The following ARHGAP12 variants were observed in gnomAD, a reference collection of about 807,000 sequenced individuals.
ARHGAP12 encodes the protein rho GTPase-activating protein 12.
ARHGAP12 carries 64 observed loss-of-function variants against 108.6 expected under a neutral mutation model. That is an observed-to-expected ratio of 0.59 (90% confidence interval 0.48 to 0.73). The LOEUF (loss-of-function observed/expected upper bound fraction) is 0.73, where lower values mean the gene tolerates loss of function less well. Ranked by LOEUF, ARHGAP12 falls within the 30% of genes least tolerant of loss-of-function variation. ARHGAP12 has a pLI of 0.00. For synonymous variants in ARHGAP12, 312 were observed against 337.2 expected, an observed-to-expected ratio of 0.93 and a Z score of 0.82; for missense variants, 940 against 1,005.9, an observed-to-expected ratio of 0.93 and a Z score of 0.89.
At chr10:31,822,602 T>G (rs186523699) in intron 11 of ARHGAP12, among the ~76,000 whole-genome samples, 243 of 152,310 alleles carry the variant, frequency 1.6e-3, no homozygotes, top group African/African-American at 5.3e-3. Context: ...AGAATTTATC[T>G]TAAACAGACT....
intron 6 of ARHGAP12, among the ~76,000 whole-genome samples, chr10:31,844,734 A>T (rs1836388707): frequency 6.9e-6 from 1 of 144,118 alleles, no homozygotes; most frequent in African/African-American, 2.6e-5. Flanking sequence ...AAGTCTCCCT[A>T]ACCCCATTGA....
intron 6 of ARHGAP12, 135 bp downstream of exon 6, chr10:31,852,382 C>T (rs1836716907): frequency 5.4e-6 from 4 of 735,390 alleles, no homozygotes; most frequent in Admixed American, 2.4e-5. Context: ...TCACAGTATT[C>T]ACAGTGAATT....
chr10:31,810,805 T>C, intron 15 of ARHGAP12, 58 bp from the exon 16 acceptor site: 2 of 1,319,682 alleles, frequency 1.5e-6, no homozygotes, highest in East Asian at 2.3e-5. Context: ...GTTCATGAAA[T>C]GGCTAACCAT....
chr10:31,853,756 A>C (rs1168506144), intron 5 of ARHGAP12, among the ~76,000 whole-genome samples: 1 of 152,244 alleles, frequency 6.6e-6, no homozygotes, highest in East Asian at 1.9e-4. Flanking sequence ...ACCATTTCCA[A>C]AAAACTATTC....
chr10:31,857,283 C>T lies in ARHGAP12; in HGVS notation c.949-3077G>A, dbSNP rs150426094. ...AAATTTTTGAAGGTTTAAAACTTTT[C>T]AAAGTAGTGATATCGGGAAACTCCC... On this transcript the variant is annotated intron_variant, in intron 4 of 19. Transcript: ENST00000344936. 3.7e-3 allele frequency among the ~76,000 whole-genome samples: 558 copies of T among 152,060 alleles called. 4 individuals are homozygous for T. The highest frequency in any genetic ancestry group is 0.013 in the African/African-American group (520 of 41,492).
intron 3 of ARHGAP12, among the ~76,000 whole-genome samples, chr10:31,891,613 T>C (rs962177496): frequency 2.5e-5 from 3 of 120,316 alleles, no homozygotes; most frequent in Non-Finnish European, 6.0e-5. Context: ...ATTTCCTGAA[T>C]TTGAATGTTG....
intron 13 of ARHGAP12, among the ~76,000 whole-genome samples, chr10:31,815,666 A>G (rs1186596617): frequency 6.6e-6 from 1 of 152,174 alleles, no homozygotes; most frequent in Non-Finnish European, 1.5e-5. Context: ...TTGGAAGAAA[A>G]TTATATCTTT....
intron 12 of ARHGAP12, 84 bp downstream of exon 12, chr10:31,820,303 G>C: frequency 9.2e-7 from 1 of 1,084,088 alleles, no homozygotes. Flanking sequence ...CACAATGAAA[G>C]ACTATTTCCC....
chr10:31,839,445 T>A, intron 8 of ARHGAP12, 126 bp from the exon 9 acceptor site: 1 of 1,121,774 alleles, frequency 8.9e-7, no homozygotes, highest in Non-Finnish European at 1.2e-6. Context: ...TAAGATACCA[T>A]ATTTTAAACA....
chr10:31,889,644 T>TTTTTG (rs1360878296), intron 3 of ARHGAP12, among the ~76,000 whole-genome samples: 2 of 126,010 alleles, frequency 1.6e-5, no homozygotes, highest in African/African-American at 7.4e-5. Flanking sequence ...TTTTTTTTTT[T>TTTTTG]GAGACAGGAT....
In ARHGAP12 at chr10:31,861,471, C is replaced by A; in HGVS notation, c.872G>T (p.Arg291Ile). Reference protein sequence around the residue: ...CYYYNRGTQERTWKPPRWTRD... With the variant: ...CYYYNRGTQEITWKPPRWTRD... Reference sequence around the variant, plus strand: ...AGTCCAACGAGGAGGTTTCCAAGTTCTTTCCTGTGTCCCTCTGTTATAGTA... The same window carrying A: ...AGTCCAACGAGGAGGTTTCCAAGTTATTTCCTGTGTCCCTCTGTTATAGTA... Residue 291 changes from arginine to isoleucine, a missense_variant, in exon 4 of 20, where the codon AGA becomes ATA. Physicochemically the swap from Arg to Ile is moderately conservative, Grantham distance 97 (BLOSUM62 -3). Transcript: ENST00000344936. 6.2e-7 allele frequency: 1 copy of A among 1,614,164 alleles called. No individual in the cohort carries two copies. Among genetic ancestry groups the A allele is most frequent in the Non-Finnish European group, 8.5e-7 (1 of 1,180,026 alleles).
intron 1 of ARHGAP12, among the ~76,000 whole-genome samples, chr10:31,912,754 T>C (rs566729260): frequency 6.6e-6 from 1 of 151,980 alleles, no homozygotes; most frequent in East Asian, 1.9e-4. Context: ...GGGTGAAGGG[T>C]GGGGAAACAG....
chr10:31,927,068 TC>T lies in ARHGAP12; in HGVS notation c.-111+1614del, dbSNP rs1840078199. On this transcript the variant is annotated intron_variant, in intron 1 of 19. Transcript: ENST00000344936. ...ATATTACACTTCTGGGGTTTCTTTT[TC>T]CCCCACAGAGAAACACTTTTAGAAC... Among the ~76,000 whole-genome samples the T allele has an allele frequency of 5.3e-5, 8 of 152,260 alleles. No homozygotes were observed. The South Asian group carries it at 1.7e-3, about 32-fold the overall frequency.
At position 31,811,772 on chromosome 10, in the gene ARHGAP12, C is replaced by T. The variant is rs78670584; in HGVS notation, c.1951+935G>A. Among the ~76,000 whole-genome samples the T allele has an allele frequency of 5.3e-5, 8 of 152,014 alleles. No homozygotes were observed. The East Asian group carries it at 1.5e-3, about 29-fold the overall frequency. ...GCAGCCTCTAATTCCTGTGTTCAATCGATCCTCCCACTCAGCCTCCTAAGT... is the reference window on the plus strand; with the variant it reads ...GCAGCCTCTAATTCCTGTGTTCAATTGATCCTCCCACTCAGCCTCCTAAGT... On this transcript the variant is annotated intron_variant, in intron 15 of 19. Transcript: ENST00000344936.
At chr10:31,846,083 C>A (rs1044201939) in intron 6 of ARHGAP12, among the ~76,000 whole-genome samples, 2 of 152,112 alleles carry the variant, frequency 1.3e-5, no homozygotes, top group Non-Finnish European at 2.9e-5. Flanking sequence ...TTACAATATA[C>A]ATAATTTATC....
chr10:31,820,255 T>C (rs1056476490), intron 12 of ARHGAP12, 132 bp downstream of exon 12: 7 of 591,326 alleles, frequency 1.2e-5, no homozygotes, highest in Non-Finnish European at 1.9e-5. Context: ...TAAATTACAA[T>C]ACCATCTAAC....
At chr10:31,860,481 A>G (rs1327764980) in intron 4 of ARHGAP12, among the ~76,000 whole-genome samples, 4 of 152,244 alleles carry the variant, frequency 2.6e-5, no homozygotes, top group African/African-American at 9.6e-5. Context: ...ACAGCTGGCC[A>G]ATTTACTGCA....
chr10:31,902,967 G>C (rs1838990128), intron 3 of ARHGAP12, among the ~76,000 whole-genome samples: 1 of 152,142 alleles, frequency 6.6e-6, no homozygotes, highest in Admixed American at 6.5e-5. Context: ...TAGAACAACA[G>C]ACTGACCTAC....
intron 3 of ARHGAP12, among the ~76,000 whole-genome samples, chr10:31,867,606 T>TGTAACGAC (rs1837374795): frequency 6.6e-6 from 1 of 152,200 alleles, no homozygotes; most frequent in Non-Finnish European, 1.5e-5. Context: ...GAAGGTGGGA[T>TGTAACGAC]GTAACAACTC....
Sources: allele counts gnomAD v4.1 joint callset (sites outside exome capture counted in the v4.1 genomes callset), GRCh38; gene constraint gnomAD v4.1.1; transcripts MANE v1.5; gene names NCBI Gene and HGNC (gene_info 2026-07-23, HGNC 2026-07-21).